AMOTL1: variants seen among roughly 807,000 people sequenced by gnomAD.
AMOTL1 encodes the protein angiomotin like 1.
In AMOTL1, 45 loss-of-function variants were observed where a neutral mutation model predicts 102.9. The observed-to-expected ratio is 0.44, with a 90% CI of 0.34 to 0.56. The LOEUF (loss-of-function observed/expected upper bound fraction) is 0.56. AMOTL1 is among the 20% of genes least tolerant of loss of function. AMOTL1 has a pLI of 0.01. For missense variants in AMOTL1, 1,114 were observed against 1,225.6 expected (o/e 0.91, Z 1.36); for synonymous variants, 481 against 484.7 (o/e 0.99, Z 0.10).
chr11:94,792,899 A>G (rs552392328), intron 1 of AMOTL1, among the ~76,000 whole-genome samples: 4 of 152,118 alleles, frequency 2.6e-5, no homozygotes, highest in African/African-American at 9.6e-5. Flanking sequence ...TGTGGTTTGG[A>G]GTTCTTAAAC....
chr11:94,842,773 T>A (rs1435165177), intron 6 of AMOTL1, among the ~76,000 whole-genome samples: 4 of 152,220 alleles, frequency 2.6e-5, no homozygotes, highest in African/African-American at 9.6e-5. Context: ...CTGGCTGAGA[T>A]GGGTTCATCT....
intron 3 of AMOTL1, among the ~76,000 whole-genome samples, chr11:94,741,934 T>TGTGGCACCCTGTCCCTGGTCAGCTTC (rs1449561082): frequency 1.3e-5 from 2 of 152,208 alleles, no homozygotes; most frequent in African/African-American, 2.4e-5. Context: ...CACACTCAGC[T>TGTGGCACCCTGTCCCTGGTCAGCTTC]GTGGCACCCT....
intron 1 of AMOTL1, among the ~76,000 whole-genome samples, chr11:94,722,742 T>C (rs193258436): frequency 1.3e-5 from 2 of 152,192 alleles, no homozygotes; most frequent in Non-Finnish European, 2.9e-5. Context: ...ATAAGCAAAT[T>C]TGCTGAAATG....
At chr11:94,853,620 T>C (rs929131710) in intron 7 of AMOTL1, among the ~76,000 whole-genome samples, 5 of 152,188 alleles carry the variant, frequency 3.3e-5, no homozygotes, top group African/African-American at 1.2e-4. Flanking sequence ...TTACCTCACT[T>C]CCAATGCCTG....
At chr11:94,842,542 G>C (rs1952327322) in intron 6 of AMOTL1, among the ~76,000 whole-genome samples, 1 of 152,190 alleles carries the variant, frequency 6.6e-6, no homozygotes, top group African/African-American at 2.4e-5. Flanking sequence ...TTTACATTTA[G>C]GCAACAGAGT....
At chr11:94,717,015 G>A (rs541219862) in intron 1 of AMOTL1, among the ~76,000 whole-genome samples, 4 of 151,934 alleles carry the variant, frequency 2.6e-5, no homozygotes, top group Non-Finnish European at 5.9e-5. Flanking sequence ...CAGGCTTTTG[G>A]TGTTTGTTTT....
chr11:94,779,912 T>A (rs1300140475), intron 1 of AMOTL1, among the ~76,000 whole-genome samples: 1 of 152,210 alleles, frequency 6.6e-6, no homozygotes, highest in Non-Finnish European at 1.5e-5. Flanking sequence ...ACTCACCGTT[T>A]TGAGGATGAA....
chr11:94,805,113 A>G (rs539234029), intron 3 of AMOTL1, among the ~76,000 whole-genome samples: 25 of 152,338 alleles, frequency 1.6e-4, no homozygotes, highest in Non-Finnish European at 3.5e-4. Context: ...ACACTTGGCC[A>G]CTGTACTTTG....
chr11:94,793,282 C>T (rs910093021), intron 1 of AMOTL1, among the ~76,000 whole-genome samples: 1 of 152,122 alleles, frequency 6.6e-6, no homozygotes, highest in African/African-American at 2.4e-5. Flanking sequence ...CTCTCTTACT[C>T]TGATTTGGTA....
chr11:94,832,282 G>A (rs1215636195), intron 6 of AMOTL1, among the ~76,000 whole-genome samples: 1 of 152,158 alleles, frequency 6.6e-6, no homozygotes, highest in Admixed American at 6.5e-5. Context: ...ATGAGTAAGT[G>A]CTCACAAAGT....
intron 3 of AMOTL1, among the ~76,000 whole-genome samples, chr11:94,744,549 G>T (rs922128431): frequency 1.3e-5 from 2 of 152,212 alleles, no homozygotes; most frequent in Admixed American, 6.5e-5. Context: ...CTCCCCAGAG[G>T]TCAGGTATGT....
chr11:94,848,733 A>C (rs992321940), intron 6 of AMOTL1, among the ~76,000 whole-genome samples: 3 of 152,216 alleles, frequency 2.0e-5, no homozygotes, highest in Admixed American at 2.0e-4. Flanking sequence ...TTCTGGCTCT[A>C]AAGTTGTGAG....
intron 3 of AMOTL1, among the ~76,000 whole-genome samples, chr11:94,742,123 T>A (rs570200850): frequency 6.6e-6 from 1 of 152,212 alleles, no homozygotes; most frequent in African/African-American, 2.4e-5. Context: ...ATTCAGAGGA[T>A]GTGTTTCTGA....
chr11:94,730,725 T>G (rs949078781), intron 2 of AMOTL1, among the ~76,000 whole-genome samples: 1 of 152,202 alleles, frequency 6.6e-6, no homozygotes, highest in Non-Finnish European at 1.5e-5. Flanking sequence ...TCTGAATATC[T>G]CTGCCTTCAT....
At chr11:94,765,791 C>T (rs1162923163), upstream of AMOTL1, among the ~76,000 whole-genome samples, 1 of 152,154 alleles carries the variant, frequency 6.6e-6, no homozygotes, top group African/African-American at 2.4e-5. Flanking sequence ...TCCTCTTCTC[C>T]CTCCTTCTTT....
At chr11:94,762,514 A>G (rs1950805869) in intron 3 of AMOTL1, among the ~76,000 whole-genome samples, 1 of 152,254 alleles carries the variant, frequency 6.6e-6, no homozygotes, top group African/African-American at 2.4e-5. Flanking sequence ...TCAGAGGGCC[A>G]GGGTTGAGAA....
rs116058368 is a variant in AMOTL1 at position 94,849,860 on chromosome 11, G to A, written c.1649-254G>A. 6.7e-3 allele frequency among the ~76,000 whole-genome samples: 1,023 copies of A among 152,258 alleles called. 14 individuals are homozygous for A. Among genetic ancestry groups the A allele is most frequent in the African/African-American group, 0.023 (961 of 41,548 alleles). ...CAATGTTGTAGAGAAGTGAGTTATC[G>A]AGAATATAGGGTCACTGGTTCTTTG... On this transcript the variant is annotated intron_variant, in intron 6 of 12. Coordinates refer to ENST00000433060, the MANE Select transcript of AMOTL1 (RefSeq NM_130847.3).
intron 4 of AMOTL1, among the ~76,000 whole-genome samples, chr11:94,829,116 T>C (rs1424511066): frequency 6.6e-6 from 1 of 152,150 alleles, no homozygotes; most frequent in African/African-American, 2.4e-5. Flanking sequence ...TTTGATTTAG[T>C]GAAATATTTT....
intron 9 of AMOTL1, among the ~76,000 whole-genome samples, chr11:94,860,698 T>C (rs1952757375): frequency 6.6e-6 from 1 of 152,232 alleles, no homozygotes; most frequent in Non-Finnish European, 1.5e-5. Flanking sequence ...CAATTCAGGA[T>C]AAATTTATGT....
Sources: allele counts gnomAD v4.1 joint callset (sites outside exome capture counted in the v4.1 genomes callset), GRCh38; gene constraint gnomAD v4.1.1; transcripts MANE v1.5; gene names NCBI Gene and HGNC (gene_info 2026-07-23, HGNC 2026-07-21).